CTNNA3: variants seen among roughly 807,000 people sequenced by gnomAD.
CTNNA3 encodes the protein catenin alpha 3.
CTNNA3 carries 76 observed loss-of-function variants against 95.7 expected under a neutral mutation model. That is an observed-to-expected ratio of 0.79 (90% confidence interval 0.66 to 0.96). The LOEUF (loss-of-function observed/expected upper bound fraction) is 0.96, where lower values mean the gene tolerates loss of function less well. Among genes scored for constraint, CTNNA3 ranks in the 40% least tolerant of loss-of-function variants. CTNNA3 has a pLI of 0.00. For synonymous variants in CTNNA3, 431 were observed against 374.4 expected (o/e 1.15, Z -1.74); for missense variants, 1,191 against 1,089.8 (o/e 1.09, Z -1.31).
At chr10:67,302,073 AAGAAAGAAAGAAAGAAAG>A (rs970215297) in intron 5 of CTNNA3, among the ~76,000 whole-genome samples, 1 of 125,570 alleles carries the variant, frequency 8.0e-6, no homozygotes, top group Non-Finnish European at 1.8e-5. Context: ...GAAAGAAAGA[AAGAAAGAAAGAAAGAAAG>A]AAAGAAAATC....
At chr10:66,702,463 C>T (rs1847976653) in intron 9 of CTNNA3, among the ~76,000 whole-genome samples, 1 of 151,956 alleles carries the variant, frequency 6.6e-6, no homozygotes, top group Non-Finnish European at 1.5e-5. Context: ...TTTGGGATTA[C>T]AGGCATGAGC....
At chr10:66,408,433 G>C (rs934345878) in intron 11 of CTNNA3, among the ~76,000 whole-genome samples, 5 of 152,080 alleles carry the variant, frequency 3.3e-5, no homozygotes, top group African/African-American at 9.7e-5. Context: ...CCACATGACA[G>C]AAGGGGCACC....
chr10:66,890,879 G>T (rs1359727036), intron 7 of CTNNA3, among the ~76,000 whole-genome samples: 2 of 152,116 alleles, frequency 1.3e-5, no homozygotes, highest in Non-Finnish European at 2.9e-5. Context: ...AAGGAGTCAA[G>T]GTGTGAAATT....
At chr10:67,749,754 TAG>T (rs1175171929) in intron 1 of CTNNA3, among the ~76,000 whole-genome samples, 2 of 151,836 alleles carry the variant, frequency 1.3e-5, no homozygotes, top group Non-Finnish European at 2.9e-5. Context: ...CTAAAAGATA[TAG>T]AGAGGCAGGA....
chr10:66,455,795 A>G (rs1223063181), intron 11 of CTNNA3, among the ~76,000 whole-genome samples: 2 of 152,260 alleles, frequency 1.3e-5, no homozygotes, highest in Admixed American at 1.3e-4. Context: ...CTCACTCTTG[A>G]ATTATCTTCT....
chr10:65,945,850 T>G (rs1256535183), intron 17 of CTNNA3, among the ~76,000 whole-genome samples: 1 of 152,164 alleles, frequency 6.6e-6, no homozygotes, highest in Non-Finnish European at 1.5e-5. Context: ...TAAATGTTAG[T>G]TGTCATTGTG....
intron 9 of CTNNA3, among the ~76,000 whole-genome samples, chr10:66,697,827 T>A (rs956567595): frequency 2.0e-5 from 3 of 152,120 alleles, no homozygotes; most frequent in African/African-American, 7.2e-5. Flanking sequence ...AGAGATATAG[T>A]GTATAAACTG....
chr10:67,397,397 A>G (rs1488717903), intron 5 of CTNNA3, among the ~76,000 whole-genome samples: 1 of 152,222 alleles, frequency 6.6e-6, no homozygotes, highest in Non-Finnish European at 1.5e-5. Context: ...TAACAAAGAA[A>G]CTGGCAGCAT....
chr10:66,144,425 T>A lies in CTNNA3; in HGVS notation c.1885-41176A>T, dbSNP rs542840349. On this transcript the variant is annotated intron_variant, in intron 13 of 17. Transcript: ENST00000433211. The stretch of plus-strand genomic sequence containing the variant: ...AATGTTAGGAATTTAATTAATAATG[T>A]ATTTGTAGCCTCGACCATCTTAAGA... Among the ~76,000 whole-genome samples the A allele has an allele frequency of 7.2e-5, 11 of 152,280 alleles. No individual in the cohort carries two copies. In the East Asian group the frequency reaches 1.9e-3, roughly 27 times the overall value.
intron 9 of CTNNA3, among the ~76,000 whole-genome samples, chr10:66,696,608 C>T (rs1482393415): frequency 6.6e-6 from 1 of 152,046 alleles, no homozygotes; most frequent in Non-Finnish European, 1.5e-5. Context: ...TTGCTAATTC[C>T]AGTTGAAATA....
intron 6 of CTNNA3, among the ~76,000 whole-genome samples, chr10:67,207,538 A>G (rs1343541332): frequency 1.3e-5 from 2 of 152,128 alleles, no homozygotes; most frequent in Non-Finnish European, 2.9e-5. Flanking sequence ...TTGTAACAGA[A>G]CTCAGGATGA....
rs3056794 is a variant in CTNNA3, at chr10:67,208,378, C to CAAAAAA, written c.843+11223_843+11228dup. On this transcript the variant is annotated intron_variant, in intron 6 of 17. Transcript: ENST00000433211. Reference sequence around the variant, plus strand: ...TGGGTGACAGAGCAAGACTCTGTCTCAAAAAAAAAAAAAAAAATAGCCACA... The same window carrying CAAAAAA: ...TGGGTGACAGAGCAAGACTCTGTCTCAAAAAAAAAAAAAAAAAAAAAAATAGCCACA... Among the ~76,000 whole-genome samples, 82 of 93,138 alleles carry CAAAAAA rather than the reference C, an allele frequency of 8.8e-4. 1 individual carries two copies. The highest frequency in any genetic ancestry group is 7.0e-3 in the Middle Eastern group (1 of 142). 61.1% of individuals were successfully genotyped at this position (93,138 alleles called of 152,430 possible).
chr10:67,216,621 G>A (rs911058835), intron 6 of CTNNA3, among the ~76,000 whole-genome samples: 7 of 152,238 alleles, frequency 4.6e-5, no homozygotes, highest in African/African-American at 1.7e-4. Context: ...ATGACTGTAT[G>A]AATGATGATA....
intron 13 of CTNNA3, among the ~76,000 whole-genome samples, chr10:66,211,925 T>G (rs1156596216): frequency 6.6e-6 from 1 of 152,004 alleles, no homozygotes; most frequent in Non-Finnish European, 1.5e-5. Flanking sequence ...AATTTCAGAT[T>G]ATAACTTTTG....
At chr10:66,592,119 A>T (rs962759594) in intron 10 of CTNNA3, among the ~76,000 whole-genome samples, 2 of 151,694 alleles carry the variant, frequency 1.3e-5, no homozygotes, top group African/African-American at 2.4e-5. Context: ...AAAAATGGTG[A>T]CTCATGACTC....
chr10:67,296,164 C>G (rs536294648), intron 5 of CTNNA3, among the ~76,000 whole-genome samples: 2 of 152,284 alleles, frequency 1.3e-5, no homozygotes, highest in South Asian at 4.1e-4. Context: ...CTGGAGGAAG[C>G]AAACACAGTT....
intron 10 of CTNNA3, among the ~76,000 whole-genome samples, chr10:66,543,315 C>T (rs1218550814): frequency 1.3e-5 from 2 of 152,062 alleles, no homozygotes; most frequent in East Asian, 3.9e-4. Flanking sequence ...TGGTCTCAAA[C>T]TCCTGACCTC....
In CTNNA3 at chr10:65,917,381, T is replaced by A. The variant is rs1394015645; in HGVS notation, c.*2949A>T. On this transcript the variant is annotated 3_prime_UTR_variant, in exon 18 of 18. Coordinates refer to ENST00000433211, the MANE Select transcript of CTNNA3 (RefSeq NM_013266.4). ...ATTTGTCATAAATTAAAGGGAATGA[T>A]TTCTATTTCTCACTTTTTATATTTG... 2 of 152,190 alleles carry A rather than the reference T, an allele frequency of 1.3e-5. No individual in the cohort carries two copies. The highest frequency in any genetic ancestry group is 2.9e-5 in the Non-Finnish European group (2 of 68,030). 9.4% of individuals were successfully genotyped at this position (152,190 alleles called of 1,614,324 possible). A position where few individuals can be genotyped will look rare whatever the true frequency, so the allele number is the denominator to read the frequency against.
intron 5 of CTNNA3, among the ~76,000 whole-genome samples, chr10:67,309,906 G>T (rs1181076372): frequency 6.6e-6 from 1 of 152,012 alleles, no homozygotes; most frequent in African/African-American, 2.4e-5. Flanking sequence ...GCCTGCAAAT[G>T]TATCCTTCCT....
Sources: allele counts gnomAD v4.1 joint callset (sites outside exome capture counted in the v4.1 genomes callset), GRCh38; gene constraint gnomAD v4.1.1; transcripts MANE v1.5; gene names NCBI Gene and HGNC (gene_info 2026-07-23, HGNC 2026-07-21).